The following CUX1 variants were observed in gnomAD, a reference collection of about 807,000 sequenced individuals.
CUX1 encodes cut like homeobox 1, also known as protein CASP.
CUX1 carries 31 observed loss-of-function variants against 158.8 expected under a neutral mutation model. The observed-to-expected ratio is 0.20, with a 90% CI of 0.15 to 0.26. The LOEUF is 0.26. CUX1 is among the 10% of genes least tolerant of loss of function. The pLI is 1.00. For synonymous variants in CUX1, 879 were observed against 862.1 expected, an observed-to-expected ratio of 1.02 and a Z score of -0.34; for missense variants, 1,589 against 2,014.6, an observed-to-expected ratio of 0.79 and a Z score of 4.04.
intron 2 of CUX1, among the ~76,000 whole-genome samples, chr7:101,964,549 CTCATTCTTTTTTGCCG>C (rs1408453509): frequency 6.6e-6 from 1 of 152,080 alleles, no homozygotes; most frequent in Non-Finnish European, 1.5e-5. Flanking sequence ...TTTCAAGTTT[CTCATTCTTTTTTGCCG>C]TCATTCTTTT....
At position 102,253,383 on chromosome 7, in the gene CUX1, A is replaced by G. The variant is rs1801731068; in HGVS notation, c.*4341A>G. On this transcript the variant is annotated 3_prime_UTR_variant, in exon 24 of 24. Transcript: ENST00000292535. ...GGCCTCGGCTGACTACTTTAAGATT[A>G]TGCCACAGCCAGGCCCTAAAAAGAG... 2 of 985,470 alleles carry G rather than the reference A, an allele frequency of 2.0e-6. No individual in the cohort carries two copies. Among genetic ancestry groups the G allele is most frequent in the South Asian group, 4.7e-5 (1 of 21,282 alleles). 61.0% of individuals were successfully genotyped at this position (985,470 alleles called of 1,614,324 possible). A position where few individuals can be genotyped will look rare whatever the true frequency, so the allele number is the denominator to read the frequency against.
At chr7:101,850,069 ATGTGCCACCATGC>A (rs1796114594) in intron 1 of CUX1, among the ~76,000 whole-genome samples, 1 of 151,808 alleles carries the variant, frequency 6.6e-6, no homozygotes, top group Non-Finnish European at 1.5e-5. Context: ...GATTATAGGA[ATGTGCCACCATGC>A]TTGTCTAATT....
intron 2 of CUX1, among the ~76,000 whole-genome samples, chr7:101,975,633 C>T (rs1812571356): frequency 6.6e-6 from 1 of 152,158 alleles, no homozygotes; most frequent in African/African-American, 2.4e-5. Context: ...TCCTCCAAAC[C>T]TCACTAACCC....
intron 10 of CUX1, among the ~76,000 whole-genome samples, chr7:102,175,777 G>A (rs1029861044): frequency 2.0e-5 from 3 of 152,170 alleles, no homozygotes; most frequent in Admixed American, 2.0e-4. Context: ...TATTCAGAGC[G>A]GTGCTTTCCA....
chr7:102,090,989 C>G (rs782160480), intron 4 of CUX1, among the ~76,000 whole-genome samples: 3 of 152,176 alleles, frequency 2.0e-5, no homozygotes, highest in Non-Finnish European at 2.9e-5. Flanking sequence ...GAGACTTGAA[C>G]ACATGCAGCC....
rs782418565 is a variant in CUX1, at chr7:102,275,268, G to A, written c.1472G>A (p.Gly491Asp). The A allele has an allele frequency of 1.9e-6, 3 of 1,610,246 alleles. No homozygotes were observed. In the Admixed American group the frequency reaches 5.0e-5, roughly 27 times the overall value. ...CTAGGACCTGCAGCACCAGCCAGCGGTGCCCTCCCAGAGGGCCAGGTGGAT... is the reference window on the plus strand; with the variant it reads ...CTAGGACCTGCAGCACCAGCCAGCGATGCCCTCCCAGAGGGCCAGGTGGAT... The change falls in exon 17 of 23, where the codon GGT (glycine) becomes GAT (aspartate). Residue 491 changes from glycine (G) to aspartate (D), a missense_variant. Physicochemically the swap from Gly to Asp is moderately conservative, Grantham distance 94. Transcript: ENST00000292538.
At chr7:102,023,163 C>T (rs1054086728) in intron 2 of CUX1, among the ~76,000 whole-genome samples, 3 of 151,918 alleles carry the variant, frequency 2.0e-5, no homozygotes, top group African/African-American at 7.3e-5. Flanking sequence ...TGCAGTGAGC[C>T]GAGGTCACGT....
At chr7:101,954,342 C>A (rs1010662749) in intron 2 of CUX1, among the ~76,000 whole-genome samples, 5 of 152,062 alleles carry the variant, frequency 3.3e-5, no homozygotes, top group Non-Finnish European at 7.4e-5. Context: ...AGAGTGAGAC[C>A]CTGTCTCAAC....
At chr7:101,939,010 C>T (rs760361397) in intron 2 of CUX1, among the ~76,000 whole-genome samples, 1 of 136,582 alleles carries the variant, frequency 7.3e-6, no homozygotes, top group Non-Finnish European at 1.5e-5. Flanking sequence ...CACTGCAGTC[C>T]AGCCTGGGCA....
At chr7:102,029,685 C>T (rs1022258821) in intron 3 of CUX1, among the ~76,000 whole-genome samples, 1 of 152,180 alleles carries the variant, frequency 6.6e-6, no homozygotes, top group Admixed American at 6.5e-5. Context: ...GATCTTCTTC[C>T]TGCCTCATTC....
intron 3 of CUX1, among the ~76,000 whole-genome samples, chr7:102,030,453 G>A (rs1212172086): frequency 6.6e-6 from 1 of 151,346 alleles, no homozygotes; most frequent in African/African-American, 2.4e-5. Context: ...AAACACACGT[G>A]GAAGGCTCCC....
intron 8 of CUX1, among the ~76,000 whole-genome samples, chr7:102,119,678 G>A (rs768995989): frequency 3.9e-5 from 6 of 152,084 alleles, no homozygotes; most frequent in Non-Finnish European, 5.9e-5. Flanking sequence ...ACCATTTCTG[G>A]GTTAAATAAA....
intron 8 of CUX1, among the ~76,000 whole-genome samples, chr7:102,144,670 C>CAA (rs372623244): frequency 0.41 from 54,047 of 131,292 alleles, 11,503 homozygotes; most frequent in African/African-American, 0.49. Flanking sequence ...GACCCTGTCT[C>CAA]AAAAAAAAAA....
chr7:102,199,128 T>C (rs1795116677), intron 16 of CUX1, among the ~76,000 whole-genome samples: 1 of 152,120 alleles, frequency 6.6e-6, no homozygotes, highest in African/African-American at 2.4e-5. Context: ...CCCAGCCCAC[T>C]TCAGATCCTA....
At chr7:102,129,901 T>G (rs1833033729) in intron 8 of CUX1, among the ~76,000 whole-genome samples, 1 of 151,908 alleles carries the variant, frequency 6.6e-6, no homozygotes, top group Non-Finnish European at 1.5e-5. Flanking sequence ...TTAAAAGAGG[T>G]GCCAAACAGC....
chr7:102,266,376 G>A (rs875659), intron 14 of CUX1, among the ~76,000 whole-genome samples: 71,879 of 151,466 alleles, frequency 0.47, 18,159 homozygotes, highest in East Asian at 0.74. Flanking sequence ...GTCACCTCCC[G>A]AGGCTGGACT....
intron 2 of CUX1, among the ~76,000 whole-genome samples, chr7:101,954,991 T>C (rs192281647): frequency 1.3e-5 from 2 of 152,246 alleles, no homozygotes; most frequent in East Asian, 3.9e-4. Flanking sequence ...GCCAACATGG[T>C]GAGACCCTGT....
intron 1 of CUX1, among the ~76,000 whole-genome samples, chr7:101,844,416 A>G (rs1243306254): frequency 5.3e-5 from 8 of 152,148 alleles, no homozygotes; most frequent in Non-Finnish European, 1.5e-5. Flanking sequence ...TAAGTGATAC[A>G]TTAGCTGGAT....
At chr7:101,984,496 CAAAAA>C (rs569101693) in intron 2 of CUX1, among the ~76,000 whole-genome samples, 2 of 111,666 alleles carry the variant, frequency 1.8e-5, no homozygotes, top group African/African-American at 7.4e-5. Context: ...TGTTCTCCGG[CAAAAA>C]AAAAAAAAAA....
Sources: allele counts gnomAD v4.1 joint callset (sites outside exome capture counted in the v4.1 genomes callset), GRCh38; gene constraint gnomAD v4.1.1; transcripts MANE v1.5; gene names NCBI Gene and HGNC (gene_info 2026-07-23, HGNC 2026-07-21).